IKZF1: variants seen among roughly 807,000 people sequenced by gnomAD.
IKZF1 encodes DNA-binding protein Ikaros.
Under a neutral mutation model 51.7 loss-of-function variants are expected in IKZF1, and 10 were observed. That is an observed-to-expected ratio of 0.19 (90% CI 0.12 to 0.33). The LOEUF is 0.33. Ranked by LOEUF, IKZF1 falls within the 10% of genes least tolerant of loss-of-function variation. The probability of loss-of-function intolerance (pLI) is 1.00; values close to 1 mark genes in which losing one functional copy is unlikely to be tolerated. For missense variants in IKZF1, 484 were observed against 707.5 expected (o/e 0.68, Z 3.58); for synonymous variants, 280 against 282.3 (o/e 0.99, Z 0.08).
Position 50,327,632 on chromosome 7 carries a change from C to T in IKZF1, c.41-6C>T, listed in dbSNP as rs1163345974. On this transcript the variant is annotated splice_polypyrimidine_tract_variant and splice_region_variant and intron_variant, in intron 2 of 7. Coordinates refer to ENST00000331340, the MANE Select transcript of IKZF1 (RefSeq NM_006060.6). ...CCCGAGACTCACACTTCTTCTTTCT[C>T]ATCAGGGAAGGAAAGCCCCCCTGTA... is the stretch of plus-strand genomic sequence containing the variant. 3 of 1,608,272 alleles carry T rather than the reference C, an allele frequency of 1.9e-6. No individual in the cohort carries two copies. The highest frequency in any genetic ancestry group is 1.1e-5 in the South Asian group (1 of 89,956).
At chr7:50,324,418 A>G (rs1794295116) in intron 2 of IKZF1, among the ~76,000 whole-genome samples, 1 of 152,188 alleles carries the variant, frequency 6.6e-6, no homozygotes, top group Admixed American at 6.5e-5. Flanking sequence ...CTTCACTACC[A>G]TCCAGTTCTG....
chr7:50,365,752 G>A (rs1042777160), intron 3 of IKZF1, among the ~76,000 whole-genome samples: 6 of 152,172 alleles, frequency 3.9e-5, no homozygotes, highest in African/African-American at 1.4e-4. Flanking sequence ...TATACCATTT[G>A]ACCCAGCAAT....
At chr7:50,303,888 G>C (rs1359571355), upstream of IKZF1, among the ~76,000 whole-genome samples, 1 of 146,370 alleles carries the variant, frequency 6.8e-6, no homozygotes, top group Non-Finnish European at 1.5e-5. This position sits in a 1 kb window ranked among gnomAD's most constrained non-coding sequence, Gnocchi z 4.7. Flanking sequence ...GCGCCCCCAC[G>C]GGTTACGCGC....
At position 50,400,664 on chromosome 7, in the gene IKZF1, C is replaced by T. The variant is rs1817948123; in HGVS notation, c.*37C>T. On this transcript the variant is annotated 3_prime_UTR_variant, in exon 8 of 8. Coordinates refer to ENST00000331340, the MANE Select transcript of IKZF1 (RefSeq NM_006060.6). The surrounding 1 kb of genome is among the most constrained non-coding windows in gnomAD (Gnocchi z 5.4). ...GCCCCCACCCCAGACCCCGAGCCAC[C>T]CCAGGAAAAGCACAAGGACTGCCGC... 6.4e-7 allele frequency: 1 copy of T among 1,570,682 alleles called. No homozygotes were observed. Among genetic ancestry groups the T allele is most frequent in the Non-Finnish European group, 8.6e-7 (1 of 1,164,836 alleles).
chr7:50,327,879 A>G, intron 3 of IKZF1, 122 bp downstream of exon 3: 1 of 1,131,586 alleles, frequency 8.8e-7, no homozygotes, highest in Admixed American at 2.9e-5. Flanking sequence ...GGCATATTAA[A>G]GAAATATGGC....
At chr7:50,308,439 G>T (rs946298664) in intron 1 of IKZF1, among the ~76,000 whole-genome samples, 3 of 152,226 alleles carry the variant, frequency 2.0e-5, no homozygotes, top group African/African-American at 7.2e-5. Flanking sequence ...TAGGTCACAG[G>T]TGTGGGGGCC....
chr7:50,327,623 C>T lies in IKZF1; in HGVS notation c.41-15C>T, dbSNP rs2153384498. The stretch of plus-strand genomic sequence containing the variant: ...CCATGACCGCCCGAGACTCACACTT[C>T]TTCTTTCTCATCAGGGAAGGAAAGC... On this transcript the variant is annotated splice_polypyrimidine_tract_variant and intron_variant, in intron 2 of 7. Transcript: ENST00000331340. 1.2e-6 allele frequency: 2 copies of T among 1,603,560 alleles called. No individual in the cohort carries two copies. Among genetic ancestry groups the T allele is most frequent in the Non-Finnish European group, 1.7e-6 (2 of 1,174,972 alleles).
intron 2 of IKZF1, among the ~76,000 whole-genome samples, chr7:50,321,501 TA>T (rs1793286952): frequency 2.0e-5 from 3 of 152,342 alleles, no homozygotes; most frequent in East Asian, 3.9e-4. Context: ...CCAAGCATGT[TA>T]AAAATTTCCA....
intron 3 of IKZF1, among the ~76,000 whole-genome samples, chr7:50,330,470 A>G (rs1246657197): frequency 1.3e-5 from 2 of 152,124 alleles, no homozygotes; most frequent in Non-Finnish European, 2.9e-5. Flanking sequence ...GGCACGACAC[A>G]AAGGAGAGGC....
intron 3 of IKZF1, among the ~76,000 whole-genome samples, chr7:50,351,702 G>A (rs576837575): frequency 1.3e-5 from 2 of 152,290 alleles, no homozygotes; most frequent in Non-Finnish European, 2.9e-5. Flanking sequence ...CTGCTCACAC[G>A]TTTGGAGGCT....
intron 3 of IKZF1, among the ~76,000 whole-genome samples, chr7:50,349,552 G>T (rs552938383): frequency 2.6e-5 from 4 of 152,134 alleles, no homozygotes; most frequent in Non-Finnish European, 4.4e-5. Flanking sequence ...AAGCCTCACC[G>T]CCGGCTTTGG....
chr7:50,350,653 C>T (rs965307585), intron 3 of IKZF1, among the ~76,000 whole-genome samples: 3 of 152,206 alleles, frequency 2.0e-5, no homozygotes, highest in Non-Finnish European at 4.4e-5. Context: ...TGTGCTTAAC[C>T]GTTAGAAATG....
intron 3 of IKZF1, among the ~76,000 whole-genome samples, chr7:50,360,760 G>C (rs532977609): frequency 6.6e-6 from 1 of 152,188 alleles, no homozygotes; most frequent in African/African-American, 2.4e-5. Flanking sequence ...CGTCCCTTCC[G>C]CACTGCCTGC....
At chr7:50,367,725 G>A (rs905401341) in intron 3 of IKZF1, 48 of 361,736 alleles carry the variant, frequency 1.3e-4, no homozygotes, top group Admixed American at 2.7e-4. Context: ...GAATGTTTGG[G>A]GCTGCACCCT....
intron 3 of IKZF1, among the ~76,000 whole-genome samples, chr7:50,366,044 T>A (rs1045607052): frequency 6.6e-6 from 1 of 152,156 alleles, no homozygotes; most frequent in Non-Finnish European, 1.5e-5. Context: ...CAAGTGCAGA[T>A]GTTCTCACTT....
chr7:50,340,567 G>A (rs1323840552), intron 3 of IKZF1, among the ~76,000 whole-genome samples: 1 of 152,248 alleles, frequency 6.6e-6, no homozygotes, highest in Non-Finnish European at 1.5e-5. Context: ...AATGAGAAAA[G>A]TGCTGTTATT....
At chr7:50,398,031 G>A (rs1817170092) in intron 7 of IKZF1, among the ~76,000 whole-genome samples, 1 of 152,196 alleles carries the variant, frequency 6.6e-6, no homozygotes, top group African/African-American at 2.4e-5. Context: ...AATGGTCACA[G>A]ATTTTATAAA....
intron 1 of IKZF1, among the ~76,000 whole-genome samples, chr7:50,317,016 A>G (rs558539661): frequency 2.0e-5 from 3 of 152,370 alleles, no homozygotes; most frequent in East Asian, 1.9e-4. Context: ...TTAAAACAAC[A>G]TATTTGTAAT....
intron 3 of IKZF1, among the ~76,000 whole-genome samples, chr7:50,366,352 T>C (rs761172794): frequency 6.6e-6 from 1 of 152,234 alleles, no homozygotes; most frequent in African/African-American, 2.4e-5. Context: ...CAGAATTCGG[T>C]GTTTCAAGGC....
Sources: gnomAD v4.1 joint callset for allele counts (sites outside exome capture counted in the v4.1 genomes callset) on GRCh38, gnomAD v4.1.1 for gene constraint, Gnocchi (gnomAD v3.1) non-coding constraint, MANE v1.5 for transcripts, NCBI Gene and HGNC (gene_info 2026-07-23, HGNC 2026-07-21) for gene names.